Variants in RBL1 observed in about 807,000 individuals in gnomAD.
RBL1 encodes the protein RB transcriptional corepressor like 1.
A neutral mutation model predicts 123.0 loss-of-function variants in RBL1; 82 were observed. That is an observed-to-expected ratio of 0.67 (90% confidence interval 0.56 to 0.80). The LOEUF (loss-of-function observed/expected upper bound fraction) is 0.80. Among genes scored for constraint, RBL1 ranks in the 30% least tolerant of loss-of-function variants. The probability of loss-of-function intolerance (pLI) is 0.00; values close to 1 mark genes in which losing one functional copy is unlikely to be tolerated. For missense variants in RBL1, 1,171 were observed against 1,299.6 expected, an observed-to-expected ratio of 0.90 and a Z score of 1.52; for synonymous variants, 405 against 441.3, an observed-to-expected ratio of 0.92 and a Z score of 1.03.
intron 2 of RBL1, among the ~76,000 whole-genome samples, chr20:37,084,646 T>C (rs1232699489): frequency 6.6e-6 from 1 of 152,034 alleles, no homozygotes; most frequent in Non-Finnish European, 1.5e-5. Context: ...TGTAGTGAGC[T>C]GTGATCACAC....
chr20:37,055,786 C>T (rs535654806), intron 10 of RBL1, 130 bp from the exon 11 acceptor site: 55 of 921,548 alleles, frequency 6.0e-5, no homozygotes, highest in South Asian at 3.6e-4. Flanking sequence ...TGGTGGCTCA[C>T]GCCTGTAATC....
chr20:37,095,760 T>C lies in RBL1; in HGVS notation c.156+13A>G. On this transcript the variant is annotated intron_variant, in intron 1 of 21. Transcript: ENST00000373664. ...GAGGGTAGGGTCCGGCCGCCCCACCTGCTGCCGCTCACCTCTAGGCTGTAG... is the reference window on the plus strand; with the variant it reads ...GAGGGTAGGGTCCGGCCGCCCCACCCGCTGCCGCTCACCTCTAGGCTGTAG... The C allele has an allele frequency of 6.3e-7, 1 of 1,575,200 alleles. No homozygotes were observed. Among genetic ancestry groups the C allele is most frequent in the East Asian group, 2.3e-5 (1 of 43,748 alleles).
At chr20:37,000,266 G>A (rs998861628) in intron 21 of RBL1, among the ~76,000 whole-genome samples, 5 of 148,744 alleles carry the variant, frequency 3.4e-5, no homozygotes, top group East Asian at 2.1e-4. Context: ...CAGCCACTCC[G>A]TCTGGGAAGT....
intron 7 of RBL1, among the ~76,000 whole-genome samples, chr20:37,062,622 G>A (rs1364891047): frequency 3.2e-5 from 4 of 124,600 alleles, no homozygotes; most frequent in Admixed American, 1.9e-4. Flanking sequence ...ACTCCAGCCT[G>A]GCAACAGAAC....
intron 21 of RBL1, among the ~76,000 whole-genome samples, chr20:36,999,414 T>C (rs767727035): frequency 2.7e-5 from 4 of 149,134 alleles, no homozygotes; most frequent in Admixed American, 6.7e-5. Context: ...AATAGAAAAA[T>C]AAGCTTCCCG....
chr20:37,052,389 T>G (rs569617514), intron 11 of RBL1, among the ~76,000 whole-genome samples: 129 of 152,132 alleles, frequency 8.5e-4, no homozygotes, highest in African/African-American at 2.9e-3. Flanking sequence ...GGGAGTGCAG[T>G]GGTGTGATCT....
chr20:37,090,591 A>T (rs1411155056), intron 1 of RBL1, among the ~76,000 whole-genome samples: 1 of 152,168 alleles, frequency 6.6e-6, no homozygotes, highest in East Asian at 1.9e-4. Context: ...ACATTTGGGG[A>T]TTTACCCCAA....
At chr20:37,040,332 G>A in intron 13 of RBL1, 47 bp from the exon 14 acceptor site, 1 of 1,579,490 alleles carries the variant, frequency 6.3e-7, no homozygotes, top group East Asian at 2.3e-5. Context: ...TAAACTTGCT[G>A]ATTAAAACTT....
chr20:37,000,466 G>GA (rs2146192201), intron 21 of RBL1, among the ~76,000 whole-genome samples: 2 of 109,720 alleles, frequency 1.8e-5, no homozygotes, highest in South Asian at 5.2e-4. Flanking sequence ...GAGGGAGGTG[G>GA]GGGGGGTCAG....
chr20:37,067,706 G>A lies in RBL1; in HGVS notation c.491+280C>T, dbSNP rs1325403476. Among the ~76,000 whole-genome samples the A allele has an allele frequency of 3.5e-5, 5 of 144,248 alleles. No individual in the cohort carries two copies. The East Asian group carries it at 1.1e-3, about 30-fold the overall frequency. The allele number at this position is 144,248 out of a possible 152,430, so 94.6% of individuals were successfully genotyped here. ...AATTGCTTGAACCTGGGAGACAGAG[G>A]TTGCAGTGAGCCGAGATCAGGACAC... On this transcript the variant is annotated intron_variant, in intron 3 of 21. Transcript: ENST00000373664.
intron 1 of RBL1, among the ~76,000 whole-genome samples, chr20:37,090,696 T>C (rs977545575): frequency 2.0e-5 from 3 of 152,280 alleles, no homozygotes; most frequent in South Asian, 4.1e-4. Context: ...TGTGCAAACA[T>C]AGCATAGCCT....
intron 11 of RBL1, among the ~76,000 whole-genome samples, chr20:37,050,509 C>A (rs1406756972): frequency 8.0e-6 from 1 of 124,836 alleles, no homozygotes; most frequent in Non-Finnish European, 1.6e-5. Context: ...TGCACCACTG[C>A]ACTCCAGTCT....
At chr20:36,998,962 A>G in intron 21 of RBL1, 33 bp from the exon 22 acceptor site, 1 of 1,579,592 alleles carries the variant, frequency 6.3e-7, no homozygotes, top group South Asian at 1.1e-5. Flanking sequence ...TGTGAGTAAA[A>G]GAGGGAGAGG....
At chr20:37,010,252 T>C (rs2064130601) in intron 19 of RBL1, among the ~76,000 whole-genome samples, 3 of 152,016 alleles carry the variant, frequency 2.0e-5, no homozygotes, top group Non-Finnish European at 4.4e-5. Context: ...AAATGGGTTT[T>C]TACTGATGAA....
chr20:37,035,652 T>A, intron 14 of RBL1, 144 bp from the exon 15 acceptor site: 2 of 671,936 alleles, frequency 3.0e-6, no homozygotes, highest in Non-Finnish European at 4.7e-6. Context: ...ATGGAATATG[T>A]AGTCTACTGG....
At chr20:37,060,781 TCAAAAAAAAAA>T (rs2065081358) in intron 9 of RBL1, among the ~76,000 whole-genome samples, 1 of 148,050 alleles carries the variant, frequency 6.8e-6, no homozygotes, top group African/African-American at 2.5e-5. Flanking sequence ...AGACCCTGTC[TCAAAAAAAAAA>T]CAAAAAAAAA....
chr20:37,025,631 T>C (rs529139752), intron 16 of RBL1, among the ~76,000 whole-genome samples: 2 of 152,144 alleles, frequency 1.3e-5, no homozygotes, highest in African/African-American at 4.8e-5. Context: ...AGGCATGCTC[T>C]TTTTCTTTCT....
intron 15 of RBL1, among the ~76,000 whole-genome samples, chr20:37,033,102 C>T (rs1393815888): frequency 6.7e-6 from 1 of 149,644 alleles, no homozygotes; most frequent in African/African-American, 2.5e-5. Context: ...ACTGTGGCCT[C>T]GACCTCCTGG....
At chr20:37,042,423 T>C (rs1347321958) in intron 13 of RBL1, among the ~76,000 whole-genome samples, 1 of 152,162 alleles carries the variant, frequency 6.6e-6, no homozygotes, top group African/African-American at 2.4e-5. Context: ...AACTGGAATC[T>C]TTCTACATTG....
Sources: allele counts gnomAD v4.1 joint callset (sites outside exome capture counted in the v4.1 genomes callset), GRCh38; gene constraint gnomAD v4.1.1; transcripts MANE v1.5; gene names NCBI Gene and HGNC (gene_info 2026-07-23, HGNC 2026-07-21).